METTL15: variants seen among roughly 807,000 people sequenced by gnomAD.
The protein encoded by METTL15 is methyltransferase 15, mitochondrial 12S rRNA N4-cytidine, also known as 12S rRNA N(4)-cytidine methyltransferase METTL15.
In METTL15, 34 loss-of-function variants were observed where a neutral mutation model predicts 38.3. That is an observed-to-expected ratio of 0.89 (90% CI 0.68 to 1.18). The LOEUF (loss-of-function observed/expected upper bound fraction) is 1.18, where lower values mean the gene tolerates loss of function less well. Among genes scored for constraint, METTL15 ranks in the 50% most tolerant of loss-of-function variants. The probability of loss-of-function intolerance (pLI) is 0.00; values close to 1 mark genes in which losing one functional copy is unlikely to be tolerated. For missense variants in METTL15, 438 were observed against 498.4 expected, an observed-to-expected ratio of 0.88 and a Z score of 1.15; for synonymous variants, 162 against 170.9, an observed-to-expected ratio of 0.95 and a Z score of 0.41.
At chr11:28,142,013 T>A (rs906555823) in intron 3 of METTL15, among the ~76,000 whole-genome samples, 43 of 152,324 alleles carry the variant, frequency 2.8e-4, no homozygotes, top group African/African-American at 9.9e-4. Flanking sequence ...AGAAGTGAGA[T>A]GAAGTCAGCT....
intron 5 of METTL15, among the ~76,000 whole-genome samples, chr11:28,406,747 AC>A (rs1850677596): frequency 6.6e-6 from 1 of 152,170 alleles, no homozygotes; most frequent in African/African-American, 2.4e-5. Flanking sequence ...GAGAGAGGGC[AC>A]ACTTGTCTTG....
At chr11:28,470,241 C>G (rs1851291796) in intron 6 of METTL15, among the ~76,000 whole-genome samples, 2 of 152,136 alleles carry the variant, frequency 1.3e-5, no homozygotes, top group South Asian at 4.1e-4. Flanking sequence ...CCCCCTTATA[C>G]TGGGGACTGC....
chr11:28,406,207 C>G (rs1361304344), intron 5 of METTL15, among the ~76,000 whole-genome samples: 1 of 151,822 alleles, frequency 6.6e-6, no homozygotes, highest in Non-Finnish European at 1.5e-5. Flanking sequence ...GCAGTATGGC[C>G]ATTTTCACAA....
chr11:28,232,347 T>C (rs1037779006), intron 4 of METTL15, among the ~76,000 whole-genome samples: 1 of 151,806 alleles, frequency 6.6e-6, no homozygotes, highest in Non-Finnish European at 1.5e-5. Flanking sequence ...ATGGGAATTA[T>C]ATATATTATC....
At chr11:28,465,632 G>A (rs1200207117) in intron 6 of METTL15, among the ~76,000 whole-genome samples, 1 of 152,180 alleles carries the variant, frequency 6.6e-6, no homozygotes, top group Non-Finnish European at 1.5e-5. Flanking sequence ...AACCTAGCAA[G>A]CAGGTGTTTT....
chr11:28,149,594 T>C (rs1206732840), intron 3 of METTL15, among the ~76,000 whole-genome samples: 1 of 151,964 alleles, frequency 6.6e-6, no homozygotes, highest in East Asian at 1.9e-4. Flanking sequence ...TAGGTAATTA[T>C]TAGATTTAAA....
chr11:28,470,208 T>C (rs186912565), intron 6 of METTL15, among the ~76,000 whole-genome samples: 390 of 152,288 alleles, frequency 2.6e-3, no homozygotes, highest in African/African-American at 8.5e-3. Flanking sequence ...TGAATGCTTT[T>C]TCCCCCTTGC....
At chr11:28,238,735 A>G (rs996300530) in intron 4 of METTL15, among the ~76,000 whole-genome samples, 4 of 152,132 alleles carry the variant, frequency 2.6e-5, no homozygotes, top group African/African-American at 4.8e-5. Flanking sequence ...AGCTGTTCCT[A>G]TTTGGGCATC....
chr11:28,379,102 G>T (rs1850354297), intron 5 of METTL15, among the ~76,000 whole-genome samples: 1 of 151,580 alleles, frequency 6.6e-6, no homozygotes, highest in African/African-American at 2.4e-5. Context: ...TATTTTTGGT[G>T]TACTCTTTTT....
intron 6 of METTL15, among the ~76,000 whole-genome samples, chr11:28,432,796 T>G (rs189886206): frequency 7.2e-4 from 109 of 152,312 alleles, no homozygotes; most frequent in Admixed American, 1.6e-3. Context: ...GGGGAGGTAA[T>G]ATGGAAGCAA....
At chr11:28,300,325 A>T (rs989462755) in intron 6 of METTL15, among the ~76,000 whole-genome samples, 22 of 152,134 alleles carry the variant, frequency 1.4e-4, no homozygotes, top group African/African-American at 4.1e-4. Context: ...ATTAAAATCC[A>T]TATTGATGGA....
intron 3 of METTL15, among the ~76,000 whole-genome samples, chr11:28,178,781 C>G (rs189253287): frequency 5.6e-4 from 85 of 151,670 alleles, no homozygotes; most frequent in Middle Eastern, 6.8e-3. Flanking sequence ...TTATTCATTG[C>G]GAATATTTTA....
chr11:28,148,110 A>C (rs375488777), intron 3 of METTL15, among the ~76,000 whole-genome samples: 1 of 151,856 alleles, frequency 6.6e-6, no homozygotes, highest in Non-Finnish European at 1.5e-5. Flanking sequence ...TTTTGTTTCA[A>C]CTTTTACTTC....
At chr11:28,213,774 G>T (rs768401863) in intron 4 of METTL15, among the ~76,000 whole-genome samples, 9 of 151,158 alleles carry the variant, frequency 6.0e-5, no homozygotes, top group Non-Finnish European at 1.2e-4. Context: ...TCCTGCCTCA[G>T]CCTCCCGAGT....
At chr11:28,218,364 G>A (rs964022824) in intron 4 of METTL15, among the ~76,000 whole-genome samples, 2 of 152,114 alleles carry the variant, frequency 1.3e-5, no homozygotes, top group East Asian at 1.9e-4. Context: ...GTGTTTGTCT[G>A]TTGTTGGTGT....
chr11:28,280,874 A>G (rs1022134960), intron 4 of METTL15, among the ~76,000 whole-genome samples: 7 of 149,610 alleles, frequency 4.7e-5, no homozygotes, highest in African/African-American at 1.5e-4. Context: ...ACTGTTTTCT[A>G]TAGAGCCATT....
At chr11:28,438,585 G>GA (rs753149578) in intron 6 of METTL15, among the ~76,000 whole-genome samples, 5 of 152,008 alleles carry the variant, frequency 3.3e-5, no homozygotes, top group Non-Finnish European at 7.4e-5. Context: ...CAAGTCCCAG[G>GA]AAACTGTATT....
intron 6 of METTL15, among the ~76,000 whole-genome samples, chr11:28,437,524 G>A (rs546580855): frequency 3.3e-5 from 5 of 152,260 alleles, no homozygotes; most frequent in South Asian, 2.1e-4. Flanking sequence ...TACAGCACTC[G>A]TCTTGTTACA....
At chr11:28,293,943 A>G (rs1190619289) in intron 5 of METTL15, among the ~76,000 whole-genome samples, 2 of 152,170 alleles carry the variant, frequency 1.3e-5, no homozygotes, top group Non-Finnish European at 2.9e-5. Flanking sequence ...CTATCAGCTT[A>G]AGGAGATTTT....
Sources: allele counts gnomAD v4.1 joint callset (sites outside exome capture counted in the v4.1 genomes callset), GRCh38; gene constraint gnomAD v4.1.1; transcripts MANE v1.5; gene names NCBI Gene and HGNC (gene_info 2026-07-23, HGNC 2026-07-21).